The following OSBPL10 variants were observed in gnomAD, a reference collection of about 807,000 sequenced individuals.
OSBPL10 encodes the protein oxysterol binding protein like 10, also known as oxysterol-binding protein-related protein 10.
In OSBPL10, 49 loss-of-function variants were observed where a neutral mutation model predicts 81.7. The observed-to-expected ratio is 0.60, with a 90% confidence interval of 0.48 to 0.76. The LOEUF (loss-of-function observed/expected upper bound fraction) is 0.76, where lower values mean the gene tolerates loss of function less well. OSBPL10 is among the 30% of genes least tolerant of loss of function. The pLI, the probability that OSBPL10 is intolerant of heterozygous loss-of-function variation, is 0.00. For missense variants in OSBPL10, 923 were observed against 987.8 expected (o/e 0.93, Z 0.88); for synonymous variants, 419 against 383.6 (o/e 1.09, Z -1.08).
intron 4 of OSBPL10, among the ~76,000 whole-genome samples, chr3:31,812,396 G>A (rs557220944): frequency 6.6e-6 from 1 of 152,198 alleles, no homozygotes; most frequent in East Asian, 1.9e-4. Flanking sequence ...GGGTTAAAGG[G>A]CACCTTTCCC....
rs1698296295 is a variant in OSBPL10 at position 31,965,398 on chromosome 3, TA to T, written c.281+15500del. Among the ~76,000 whole-genome samples, 8 of 95,812 alleles carry T rather than the reference TA, an allele frequency of 8.3e-5. 2 individuals are homozygous for T. The highest frequency in any genetic ancestry group is 3.8e-4 in the African/African-American group (8 of 21,148). 62.9% of individuals were successfully genotyped at this position (95,812 alleles called of 152,430 possible). A position where few individuals can be genotyped will look rare whatever the true frequency, so the allele number is the denominator to read the frequency against. ...AAATATATATATTATGTATAATATA[TA>T]ATATAAAATATATATTATATATAAT... On this transcript the variant is annotated intron_variant, in intron 1 of 11. Coordinates refer to ENST00000396556, the MANE Select transcript of OSBPL10 (RefSeq NM_017784.5).
chr3:31,869,410 A>T (rs1389448873), intron 3 of OSBPL10, among the ~76,000 whole-genome samples: 2 of 152,206 alleles, frequency 1.3e-5, no homozygotes, highest in Non-Finnish European at 2.9e-5. Flanking sequence ...CCACCCCGCC[A>T]AAATGCTCAC....
intron 1 of OSBPL10, among the ~76,000 whole-genome samples, chr3:31,944,150 T>C (rs1471707706): frequency 2.0e-5 from 3 of 152,086 alleles, no homozygotes; most frequent in Admixed American, 2.0e-4. Flanking sequence ...TCTTCTGCAC[T>C]TCTTTGATTA....
chr3:31,871,040 T>A (rs1421485104), intron 3 of OSBPL10, among the ~76,000 whole-genome samples: 1 of 152,116 alleles, frequency 6.6e-6, no homozygotes, highest in East Asian at 1.9e-4. Flanking sequence ...ACCACTCAGC[T>A]CTACCAATCA....
chr3:31,947,481 C>A (rs1229293272), intron 1 of OSBPL10, among the ~76,000 whole-genome samples: 3 of 152,146 alleles, frequency 2.0e-5, no homozygotes, highest in Non-Finnish European at 2.9e-5. Flanking sequence ...TCCAAATTAC[C>A]AATGGCAGAT....
intron 1 of OSBPL10, among the ~76,000 whole-genome samples, chr3:31,946,127 C>T (rs1457368043): frequency 6.6e-6 from 1 of 151,890 alleles, no homozygotes; most frequent in Admixed American, 6.6e-5. Flanking sequence ...ATTACAGGCA[C>T]GTGCCACCAT....
At chr3:31,854,465 ATAT>A (rs774137955) in intron 3 of OSBPL10, among the ~76,000 whole-genome samples, 119 of 152,306 alleles carry the variant, frequency 7.8e-4, no homozygotes, top group Admixed American at 1.9e-3. Context: ...CTTAAAATTC[ATAT>A]TATTAACATG....
intron 3 of OSBPL10, among the ~76,000 whole-genome samples, chr3:31,856,230 C>T (rs1700909958): frequency 6.6e-6 from 1 of 151,654 alleles, no homozygotes; most frequent in Non-Finnish European, 1.5e-5. Context: ...AGAAGGTATG[C>T]AAAATTGTTG....
rs114350285 is a variant in OSBPL10 at position 31,963,208 on chromosome 3, C to G, written c.281+17691G>C. ...TCTCCCCTCCCTTCTCTCCCTTCCC[C>G]GTCCTTCCTTCCTTTCCTCCCCTCC... On this transcript the variant is annotated intron_variant, in intron 1 of 11. Transcript: ENST00000396556. Among the ~76,000 whole-genome samples, 1,459 of 151,942 alleles carry G rather than the reference C, an allele frequency of 9.6e-3. 16 individuals carry two copies. The highest frequency in any genetic ancestry group is 0.024 in the Middle Eastern group (7 of 294).
At chr3:32,027,768 A>G (rs1699430469) in intron 2 of OSBPL10, among the ~76,000 whole-genome samples, 1 of 152,200 alleles carries the variant, frequency 6.6e-6, no homozygotes, top group Admixed American at 6.5e-5. Flanking sequence ...AACTGGGACT[A>G]CAGGTGCACA....
At chr3:31,721,191 G>C (rs1696632691) in intron 6 of OSBPL10, among the ~76,000 whole-genome samples, 1 of 152,142 alleles carries the variant, frequency 6.6e-6, no homozygotes, top group African/African-American at 2.4e-5. Context: ...TAGAAGCTGG[G>C]AAAGCCAAGG....
At chr3:31,828,598 T>TCTTGG (rs1330901450) in intron 4 of OSBPL10, among the ~76,000 whole-genome samples, 1 of 152,224 alleles carries the variant, frequency 6.6e-6, no homozygotes, top group Non-Finnish European at 1.5e-5. Flanking sequence ...ACTGGGGCTA[T>TCTTGG]CTTGGCTCAA....
chr3:31,695,306 C>G (rs1695681555), intron 7 of OSBPL10, among the ~76,000 whole-genome samples: 1 of 152,206 alleles, frequency 6.6e-6, no homozygotes, highest in Admixed American at 6.5e-5. Context: ...GGGTTACAAA[C>G]AGGCACACTG....
intron 4 of OSBPL10, chr3:31,797,784 C>T (rs945807206): frequency 2.4e-5 from 11 of 456,272 alleles, no homozygotes; most frequent in East Asian, 7.0e-5. Context: ...TGAGTCTTGA[C>T]GATGCCAATG....
intron 1 of OSBPL10, among the ~76,000 whole-genome samples, chr3:31,948,775 T>C: frequency 6.6e-6 from 1 of 152,314 alleles, no homozygotes; most frequent in East Asian, 1.9e-4. Context: ...AAGTTTTCTG[T>C]ACAGTGTGTA....
chr3:31,867,509 A>G (rs1407810044), intron 3 of OSBPL10, among the ~76,000 whole-genome samples: 6 of 152,168 alleles, frequency 3.9e-5, no homozygotes, highest in Non-Finnish European at 8.8e-5. Context: ...TGGGAGCCCA[A>G]GGAGGGTGGA....
chr3:31,981,120 G>T lies in OSBPL10; in HGVS notation c.60C>A (p.Ser20Arg). ...AGCCCGCCGAGGTAGCACGGCTGCT[G>T]CTGCGGCTGCTGCTGTTGCTACCCC... ...GGGGSNSSSR[S>R]SSRATSAGSS... is the part of the protein sequence containing the mutation. The change falls in exon 1 of 12, where the codon AGC becomes AGA. Residue 20 changes from serine to arginine, a missense_variant. By Grantham distance (110) the Ser-to-Arg change is moderately radical (BLOSUM62 -1). Coordinates refer to ENST00000396556, the MANE Select transcript of OSBPL10 (RefSeq NM_017784.5). This position sits in a 1 kb window ranked among gnomAD's most constrained non-coding sequence, Gnocchi z 4.5. 1 of 1,492,740 alleles carries T rather than the reference G, an allele frequency of 6.7e-7. No individual in the cohort carries two copies. The highest frequency in any genetic ancestry group is 8.9e-7 in the Non-Finnish European group (1 of 1,126,178). The allele number at this position is 1,492,740 out of a possible 1,614,324, so 92.5% of individuals were successfully genotyped here.
intron 4 of OSBPL10, among the ~76,000 whole-genome samples, chr3:31,829,791 T>C (rs1700192369): frequency 6.6e-6 from 1 of 152,256 alleles, no homozygotes; most frequent in South Asian, 2.1e-4. Flanking sequence ...ATCCATATTT[T>C]TGTAGGCTTG....
chr3:31,926,046 A>T (rs962635159), intron 1 of OSBPL10, among the ~76,000 whole-genome samples: 1 of 152,016 alleles, frequency 6.6e-6, no homozygotes, highest in Admixed American at 6.6e-5. Flanking sequence ...TCTTATCTTT[A>T]TATCTATTAT....
Sources: allele counts gnomAD v4.1 joint callset (sites outside exome capture counted in the v4.1 genomes callset), GRCh38; gene constraint gnomAD v4.1.1; non-coding constraint Gnocchi (gnomAD v3.1); transcripts MANE v1.5; gene names NCBI Gene and HGNC (gene_info 2026-07-23, HGNC 2026-07-21).